SH3GL2: variants seen among roughly 807,000 people sequenced by gnomAD.
The protein encoded by SH3GL2 is endophilin-A1.
SH3GL2 carries 24 observed loss-of-function variants against 46.0 expected under a neutral mutation model. That is an observed-to-expected ratio of 0.52 (90% CI 0.38 to 0.73). The LOEUF is 0.73. Ranked by LOEUF, SH3GL2 falls within the 30% of genes least tolerant of loss-of-function variation. The pLI, the probability that SH3GL2 is intolerant of heterozygous loss-of-function variation, is 0.00. For synonymous variants in SH3GL2, 196 were observed against 147.1 expected, an observed-to-expected ratio of 1.33 and a Z score of -2.40; for missense variants, 413 against 424.2, an observed-to-expected ratio of 0.97 and a Z score of 0.23.
At chr9:17,643,514 C>T (rs1257070035) in intron 1 of SH3GL2, among the ~76,000 whole-genome samples, 1 of 152,126 alleles carries the variant, frequency 6.6e-6, no homozygotes, top group Non-Finnish European at 1.5e-5. Context: ...GTGGGTTTGT[C>T]ATAAAAAGTT....
At chr9:17,677,281 C>G (rs1396686175) in intron 1 of SH3GL2, among the ~76,000 whole-genome samples, 1 of 152,062 alleles carries the variant, frequency 6.6e-6, no homozygotes, top group Non-Finnish European at 1.5e-5. Flanking sequence ...ACTGTATAAT[C>G]TTGTTTGTGG....
At chr9:17,672,852 C>T (rs1820507621) in intron 1 of SH3GL2, among the ~76,000 whole-genome samples, 1 of 152,198 alleles carries the variant, frequency 6.6e-6, no homozygotes, top group Non-Finnish European at 1.5e-5. Context: ...CTTCCAAATG[C>T]ATACCTCCAG....
At chr9:17,794,338 A>G (rs955886955) in intron 8 of SH3GL2, among the ~76,000 whole-genome samples, 3 of 152,058 alleles carry the variant, frequency 2.0e-5, no homozygotes, top group Admixed American at 6.6e-5. Context: ...TTGATGTTCT[A>G]CTGTAGAAAA....
chr9:17,594,581 G>A (rs1298327416), intron 1 of SH3GL2, among the ~76,000 whole-genome samples: 7 of 152,022 alleles, frequency 4.6e-5, no homozygotes, highest in Non-Finnish European at 1.0e-4. Flanking sequence ...AACCACCATG[G>A]CACATGTATA....
chr9:17,775,575 C>T (rs62550980), intron 3 of SH3GL2, among the ~76,000 whole-genome samples: 1 of 152,130 alleles, frequency 6.6e-6, no homozygotes, highest in Admixed American at 6.5e-5. Flanking sequence ...AGTTTCTGGA[C>T]CAGATAGTAG....
At chr9:17,712,440 A>C (rs1407092654) in intron 1 of SH3GL2, among the ~76,000 whole-genome samples, 4 of 151,818 alleles carry the variant, frequency 2.6e-5, no homozygotes, top group Non-Finnish European at 5.9e-5. Flanking sequence ...TTTCATAGTT[A>C]GGTATTATAG....
chr9:17,622,986 GTTTCCTTTCC>G (rs1210987554), intron 1 of SH3GL2, among the ~76,000 whole-genome samples: 115 of 99,362 alleles, frequency 1.2e-3, no homozygotes, highest in East Asian at 4.3e-3. Flanking sequence ...GTTTCCTTTC[GTTTCCTTTCC>G]TTTCCTTTCC....
intron 1 of SH3GL2, among the ~76,000 whole-genome samples, chr9:17,726,360 A>C (rs1274166554): frequency 6.6e-6 from 1 of 152,152 alleles, no homozygotes; most frequent in African/African-American, 2.4e-5. Context: ...TATGAATGCT[A>C]CTTCATAGTA....
At chr9:17,683,901 A>AACTCCTG (rs573238935) in intron 1 of SH3GL2, among the ~76,000 whole-genome samples, 3 of 152,216 alleles carry the variant, frequency 2.0e-5, no homozygotes, top group Admixed American at 2.0e-4. Flanking sequence ...TTCAGCTCTC[A>AACTCCTG]ACTCCTGACT....
intron 3 of SH3GL2, among the ~76,000 whole-genome samples, chr9:17,771,494 A>G (rs916657713): frequency 1.3e-5 from 2 of 152,184 alleles, no homozygotes; most frequent in Non-Finnish European, 1.5e-5. Flanking sequence ...CCTTCTTACA[A>G]TAAGGATATA....
At chr9:17,695,269 A>T (rs972489843) in intron 1 of SH3GL2, among the ~76,000 whole-genome samples, 4 of 152,124 alleles carry the variant, frequency 2.6e-5, no homozygotes, top group African/African-American at 9.7e-5. Flanking sequence ...CGATCCCTTT[A>T]ACTTCTTAGG....
Position 17,667,330 on chromosome 9 carries a change from C to T in SH3GL2, c.46-79736C>T, listed in dbSNP as rs567267327. On this transcript the variant is annotated intron_variant, in intron 1 of 8. Coordinates refer to ENST00000380607, the MANE Select transcript of SH3GL2 (RefSeq NM_003026.5). ...AAATGTTCTAATTCTAGAGCATTTTCATCTTCCTAAAAAGAAACCCCATGC... is the reference window on the plus strand; with the variant it reads ...AAATGTTCTAATTCTAGAGCATTTTTATCTTCCTAAAAAGAAACCCCATGC... 9.9e-5 allele frequency among the ~76,000 whole-genome samples: 15 copies of T among 152,216 alleles called. No homozygotes were observed. The East Asian group carries it at 2.9e-3, about 29-fold the overall frequency.
intron 1 of SH3GL2, among the ~76,000 whole-genome samples, chr9:17,717,179 C>T (rs1334838203): frequency 1.3e-5 from 2 of 152,134 alleles, no homozygotes; most frequent in African/African-American, 2.4e-5. Context: ...GTCTCCTATT[C>T]GGAAGGTCAT....
chr9:17,795,464 T>C (rs1824247538), intron 8 of SH3GL2, 80 bp from the exon 9 acceptor site: 1 of 1,117,962 alleles, frequency 8.9e-7, no homozygotes, highest in African/African-American at 1.5e-5. Flanking sequence ...GCCAGGTGGG[T>C]ACAGCAGGCA....
At chr9:17,621,112 C>G (rs891119627) in intron 1 of SH3GL2, among the ~76,000 whole-genome samples, 1 of 152,136 alleles carries the variant, frequency 6.6e-6, no homozygotes, top group African/African-American at 2.4e-5. Flanking sequence ...CTTTTGAAGA[C>G]TAATTTCAAT....
At chr9:17,591,769 C>A (rs1818485544) in intron 1 of SH3GL2, among the ~76,000 whole-genome samples, 1 of 152,136 alleles carries the variant, frequency 6.6e-6, no homozygotes, top group East Asian at 1.9e-4. Context: ...TTGCTAAGCT[C>A]ATAGTGTCCA....
chr9:17,619,169 C>A (rs1281600809), intron 1 of SH3GL2, among the ~76,000 whole-genome samples: 2 of 152,134 alleles, frequency 1.3e-5, no homozygotes, highest in South Asian at 2.1e-4. Context: ...TGCTCAAGAT[C>A]CCCTAGTTGA....
At chr9:17,640,116 G>T (rs1263714932) in intron 1 of SH3GL2, among the ~76,000 whole-genome samples, 3 of 152,008 alleles carry the variant, frequency 2.0e-5, no homozygotes, top group Non-Finnish European at 4.4e-5. Flanking sequence ...TAAAATGAGT[G>T]ACTTTTCTTA....
At chr9:17,654,392 G>A (rs565510509) in intron 1 of SH3GL2, among the ~76,000 whole-genome samples, 4 of 152,260 alleles carry the variant, frequency 2.6e-5, no homozygotes, top group African/African-American at 9.6e-5. Flanking sequence ...TGTGTTCACT[G>A]AAGATTTGTT....
Sources: allele counts gnomAD v4.1 joint callset (sites outside exome capture counted in the v4.1 genomes callset), GRCh38; gene constraint gnomAD v4.1.1; transcripts MANE v1.5; gene names NCBI Gene and HGNC (gene_info 2026-07-23, HGNC 2026-07-21).